Variants in ITGAD observed in about 807,000 individuals in gnomAD.
The protein encoded by ITGAD is integrin alpha-D.
In ITGAD, 105 loss-of-function variants were observed where a neutral mutation model predicts 139.0. That is an observed-to-expected ratio of 0.76 (90% CI 0.65 to 0.89). The LOEUF (loss-of-function observed/expected upper bound fraction) is 0.89, where lower values mean the gene tolerates loss of function less well. ITGAD is among the 40% of genes least tolerant of loss of function. ITGAD has a pLI of 0.00. For synonymous variants in ITGAD, 569 were observed against 598.3 expected, an observed-to-expected ratio of 0.95 and a Z score of 0.71; for missense variants, 1,384 against 1,487.3, an observed-to-expected ratio of 0.93 and a Z score of 1.14.
rs373526695 is a variant in ITGAD, at chr16:31,413,276, C to T, written c.1996+30C>T. On this transcript the variant is annotated intron_variant, in intron 16 of 29. Coordinates refer to ENST00000389202, the MANE Select transcript of ITGAD (RefSeq NM_005353.3). The stretch of plus-strand genomic sequence containing the variant: ...GTTTCCCCCATAAAGGGGGCCCAGG[C>T]CCCTCATTCCATTAGGGGCCCCAAT... 38 of 1,609,242 alleles carry T rather than the reference C, an allele frequency of 2.4e-5. 1 individual carries two copies. Among genetic ancestry groups the T allele is most frequent in the Admixed American group, 1.7e-4 (10 of 59,032 alleles).
rs2081848854 is a variant in ITGAD, at chr16:31,414,996, G to C, written c.2283+5G>C. On this transcript the variant is annotated splice_donor_5th_base_variant and intron_variant, in intron 18 of 29. Transcript: ENST00000389202. ...CAAGACCTCTTCACTGCTTCTGTGA[G>C]TCTTCTGATGAAGTCCCAGGGATGT... 1 of 1,613,888 alleles carries C rather than the reference G, an allele frequency of 6.2e-7. No homozygotes were observed. The highest frequency in any genetic ancestry group is 2.2e-5 in the East Asian group (1 of 44,870).
intron 12 of ITGAD, 44 bp downstream of exon 12, chr16:31,410,922 G>A (rs1363585246): frequency 2.1e-6 from 2 of 961,290 alleles, no homozygotes; most frequent in Admixed American, 3.6e-5. Flanking sequence ...GGGTGGGGAG[G>A]ATGAGGGTGG....
rs1567333982 is a variant in ITGAD, at chr16:31,407,620, TGTC to T, written c.811_813del (p.Val271del). On this transcript the variant is annotated inframe_deletion, in exon 8 of 30. Transcript: ENST00000389202. The stretch of plus-strand genomic sequence containing the variant: ...ACAAAGACCCCCTGGAATACAGTGA[TGTC>T]ATCCCCCAGGCAGAGAAGGCTGGCA... 4 of 1,614,180 alleles carry T rather than the reference TGTC, an allele frequency of 2.5e-6. No homozygotes were observed. Among genetic ancestry groups the T allele is most frequent in the East Asian group, 2.2e-5 (1 of 44,876 alleles).
intron 20 of ITGAD, among the ~76,000 whole-genome samples, chr16:31,417,094 A>G (rs1161427150): frequency 7.0e-6 from 1 of 142,030 alleles, no homozygotes; most frequent in Non-Finnish European, 1.5e-5. Context: ...CCCAGGCTGG[A>G]GTGCAGTGGC....
Position 31,412,921 on chromosome 16 carries a change from A to T in ITGAD, c.1791A>T (p.Gly597=). 2 of 1,613,070 alleles carry T rather than the reference A, an allele frequency of 1.2e-6. No individual in the cohort carries two copies. Among genetic ancestry groups the T allele is most frequent in the Non-Finnish European group, 1.7e-6 (2 of 1,179,602 alleles). Residue 597 remains glycine (G), a synonymous_variant, in exon 15 of 30, where the codon GGA becomes GGT. Transcript: ENST00000389202. Reference sequence around the variant, plus strand: ...GGGGTCAGGACCTCACCCAGGATGGACTGATGGACCTGGCCGTGGGGGCCC... The same window carrying T: ...GGGGTCAGGACCTCACCCAGGATGGTCTGATGGACCTGGCCGTGGGGGCCC... ...LSGGQDLTQD[G]LMDLAVGARG...
intron 20 of ITGAD, 117 bp downstream of exon 20, chr16:31,416,763 TCA>T (rs1053401132): frequency 2.3e-3 from 1,537 of 673,970 alleles, no homozygotes; most frequent in South Asian, 4.9e-3. Flanking sequence ...TCTCTCTCTC[TCA>T]CACACACACA....
Position 31,418,090 on chromosome 16 carries a change from A to G in ITGAD, c.2515A>G (p.Ser839Gly). 6.2e-7 allele frequency: 1 copy of G among 1,614,080 alleles called. No individual in the cohort carries two copies. Among genetic ancestry groups the G allele is most frequent in the Non-Finnish European group, 8.5e-7 (1 of 1,179,996 alleles). ...CCTCCCCTAGAAGCAGCCCCATCAG[A>G]GTGCCCTGCGCCTGGCATGTGAGAC... The part of the protein sequence containing the change: ...VSGAQKQPHQ[S>G]ALRLACETVP... The change falls in exon 21 of 30, where the codon AGT (serine) becomes GGT (glycine). Residue 839 changes from serine to glycine, a missense_variant. Transcript: ENST00000389202.
intron 1 of ITGAD, 86 bp from the exon 2 acceptor site, chr16:31,394,150 A>T: frequency 5.3e-6 from 4 of 752,062 alleles, no homozygotes; most frequent in Non-Finnish European, 6.4e-6. Flanking sequence ...AAAAAAAAAA[A>T]GAAAAAAAAG....
chr16:31,397,574 C>A (rs776228323), intron 3 of ITGAD, 22 bp from the exon 4 acceptor site: 21 of 1,605,812 alleles, frequency 1.3e-5, no homozygotes, highest in Non-Finnish European at 1.6e-5. Context: ...GTGAGTGAGA[C>A]CCCGCGTGTC....
chr16:31,416,789 A>G, intron 20 of ITGAD, 143 bp downstream of exon 20: 1 of 744,264 alleles, frequency 1.3e-6, no homozygotes, highest in South Asian at 2.1e-5. Flanking sequence ...ACACACAGAG[A>G]AAGTGCATAA....
rs1213213871 is a variant in ITGAD at position 31,423,348 on chromosome 16, G to C, written c.2860-4G>C. On this transcript the variant is annotated splice_polypyrimidine_tract_variant and splice_region_variant and intron_variant, in intron 24 of 29. Coordinates refer to ENST00000389202, the MANE Select transcript of ITGAD (RefSeq NM_005353.3). ...CAATAACACTCTGCCTTGATTTCCT[G>C]CAGGTGAATAACCTCAGCCAGCGAG... The C allele has an allele frequency of 6.2e-7, 1 of 1,613,350 alleles. No individual in the cohort carries two copies. Among genetic ancestry groups the C allele is most frequent in the Non-Finnish European group, 8.5e-7 (1 of 1,179,312 alleles).
chr16:31,421,851 T>G (rs1043017910), intron 23 of ITGAD, among the ~76,000 whole-genome samples: 2 of 151,866 alleles, frequency 1.3e-5, no homozygotes, highest in Admixed American at 1.3e-4. Context: ...TGATGGGGGG[T>G]GGACTGCTGG....
intron 10 of ITGAD, 113 bp downstream of exon 10, chr16:31,408,611 A>C: frequency 2.2e-6 from 2 of 892,532 alleles, no homozygotes; most frequent in South Asian, 3.0e-5. Flanking sequence ...CTCAATCGCC[A>C]GGGAGAGGCC....
intron 20 of ITGAD, 115 bp downstream of exon 20, chr16:31,416,761 T>A: frequency 3.1e-6 from 3 of 956,876 alleles, no homozygotes; most frequent in Non-Finnish European, 4.6e-6. Context: ...TCTCTCTCTC[T>A]CTCACACACA....
intron 12 of ITGAD, 99 bp downstream of exon 12, chr16:31,410,977 C>A: frequency 6.3e-7 from 1 of 1,597,080 alleles, no homozygotes; most frequent in Non-Finnish European, 8.5e-7. Context: ...GCTTTGGGGG[C>A]CTTGGGAGAG....
Position 31,403,202 on chromosome 16 carries a change from G to A in ITGAD, c.559-298G>A. 3.9e-6 allele frequency: 1 copy of A among 256,544 alleles called. No homozygotes were observed. Among genetic ancestry groups the A allele is most frequent in the Non-Finnish European group, 7.4e-6 (1 of 134,372 alleles). The allele number at this position is 256,544 out of a possible 1,614,324, so 15.9% of individuals were successfully genotyped here. The stretch of plus-strand genomic sequence containing the variant: ...AACTGAAAACAATATGGCTTGGTGT[G>A]GTGGCTCACACCTGTAATCCCAGCA... On this transcript the variant is annotated intron_variant, in intron 6 of 29. Transcript: ENST00000389202. This position sits in a 1 kb window ranked among gnomAD's most constrained non-coding sequence, Gnocchi z 4.4.
chr16:31,418,242 G>C, intron 21 of ITGAD, 51 bp downstream of exon 21: 1 of 1,604,708 alleles, frequency 6.2e-7, no homozygotes, highest in East Asian at 2.2e-5. Flanking sequence ...GTCCCAATCT[G>C]TCCCTCACTC....
In ITGAD at chr16:31,393,393, T is replaced by G; in HGVS notation, c.31+2T>G. 1 of 1,613,928 alleles carries G rather than the reference T, an allele frequency of 6.2e-7. No individual in the cohort carries two copies. Among genetic ancestry groups the G allele is most frequent in the Non-Finnish European group, 8.5e-7 (1 of 1,179,974 alleles). On this transcript the variant is annotated splice_donor_variant, in intron 1 of 29. Coordinates refer to ENST00000389202, the MANE Select transcript of ITGAD (RefSeq NM_005353.3). LOFTEE classifies it high-confidence loss of function. ...TCGGCACTGTGCTTCTTCTGAGTGG[T>G]AAGTGGGGCCAGGGTGCTGGGGAGA...
rs1405353341 is a variant in ITGAD, at chr16:31,408,668, C to A, written c.1083+170C>A. Reference sequence around the variant, plus strand: ...AGGAGCACAGCAGGGAGGAGGGTAGCCTGGGTTCCTGCTCTCAAGGATCAT... The same window carrying A: ...AGGAGCACAGCAGGGAGGAGGGTAGACTGGGTTCCTGCTCTCAAGGATCAT... On this transcript the variant is annotated intron_variant, in intron 10 of 29. Coordinates refer to ENST00000389202, the MANE Select transcript of ITGAD (RefSeq NM_005353.3). 6.8e-6 allele frequency: 4 copies of A among 590,954 alleles called. No individual in the cohort carries two copies. In the East Asian group the frequency reaches 8.6e-5, roughly 13 times the overall value. 36.6% of individuals were successfully genotyped at this position (590,954 alleles called of 1,614,324 possible).
Sources: allele counts gnomAD v4.1 joint callset (sites outside exome capture counted in the v4.1 genomes callset), GRCh38; gene constraint gnomAD v4.1.1; non-coding constraint Gnocchi (gnomAD v3.1); transcripts MANE v1.5; gene names NCBI Gene and HGNC (gene_info 2026-07-23, HGNC 2026-07-21).